RAB36: variants seen among roughly 807,000 people sequenced by gnomAD.
RAB36 encodes RAB36, member RAS oncogene family, also known as ras-related protein Rab-36.
A neutral mutation model predicts 39.3 loss-of-function variants in RAB36; 33 were observed. The observed-to-expected ratio is 0.84, with a 90% CI of 0.64 to 1.12. RAB36 has a LOEUF of 1.12. RAB36 is among the 50% of genes most tolerant of loss of function. The pLI is 0.00. For synonymous variants in RAB36, 133 were observed against 140.2 expected (o/e 0.95, Z 0.36); for missense variants, 308 against 355.3 (o/e 0.87, Z 1.07).
At chr22:23,157,844 C>T in intron 6 of RAB36, 148 bp from the exon 7 acceptor site, 1 of 1,533,536 alleles carries the variant, frequency 6.5e-7, no homozygotes, top group Non-Finnish European at 8.7e-7. Flanking sequence ...GTGTTTCCTC[C>T]TCAGCCTTCA....
intron 7 of RAB36, among the ~76,000 whole-genome samples, 164 bp from the exon 8 acceptor site, chr22:23,158,734 C>T (rs1056973568): frequency 1.3e-5 from 2 of 152,232 alleles, no homozygotes; most frequent in African/African-American, 4.8e-5. Context: ...AACGCCCTTC[C>T]GGCTGGAGGT....
chr22:23,169,077 C>G (rs1361018271), downstream of RAB36, among the ~76,000 whole-genome samples: 2 of 152,198 alleles, frequency 1.3e-5, no homozygotes, highest in Admixed American at 6.5e-5. Flanking sequence ...ACTGCAGGGA[C>G]CTCATCAATA....
Position 23,146,818 on chromosome 22 carries a change from G to A in RAB36, c.69+133G>A, listed in dbSNP as rs537853624. The A allele has an allele frequency of 2.4e-4, 338 of 1,412,450 alleles. 4 individuals carry two copies. In the South Asian group the frequency reaches 4.7e-3, roughly 19 times the overall value. 87.5% of individuals were successfully genotyped at this position (1,412,450 alleles called of 1,614,324 possible). Reference sequence around the variant, plus strand: ...TCCATTGTCAGATTTACCTTGAGGAGCTGGGAGACTGGTCACTGACTGCCC... The same window carrying A: ...TCCATTGTCAGATTTACCTTGAGGAACTGGGAGACTGGTCACTGACTGCCC... On this transcript the variant is annotated intron_variant, in intron 2 of 10. Coordinates refer to ENST00000263116, the MANE Select transcript of RAB36 (RefSeq NM_004914.5).
rs1043469915 is a variant in RAB36 at position 23,164,227 on chromosome 22, A to G, written c.*2663A>G. 2.0e-5 allele frequency: 3 copies of G among 152,236 alleles called. No individual in the cohort carries two copies. The highest frequency in any genetic ancestry group is 4.4e-5 in the Non-Finnish European group (3 of 68,100). The allele number at this position is 152,236 out of a possible 1,614,324, so 9.4% of individuals were successfully genotyped here. ...TCCCTTGCCCCTTCGGGCCTCCAGG[A>G]TATGTTTGCGGGGGTGGGTGTGGTG... On this transcript the variant is annotated 3_prime_UTR_variant, in exon 11 of 11. Coordinates refer to ENST00000263116, the MANE Select transcript of RAB36 (RefSeq NM_004914.5).
intron 1 of RAB36, among the ~76,000 whole-genome samples, chr22:23,145,782 C>T (rs1431695209): frequency 3.9e-5 from 6 of 152,246 alleles, no homozygotes; most frequent in Non-Finnish European, 8.8e-5. Flanking sequence ...AACCGGACTC[C>T]GCCAGGACCA....
intron 1 of RAB36, 134 bp downstream of exon 1, chr22:23,145,685 C>T: frequency 1.8e-6 from 2 of 1,102,532 alleles, no homozygotes; most frequent in East Asian, 2.6e-5. Context: ...CGGCCTGCGG[C>T]CCCGGGGCGT....
intron 5 of RAB36, 108 bp downstream of exon 5, chr22:23,153,242 C>G: frequency 1.2e-6 from 1 of 834,508 alleles, no homozygotes; most frequent in South Asian, 1.5e-5. Context: ...CTAGTCTAGA[C>G]AAGCAGAGCC....
rs149827982 is a variant in RAB36, at chr22:23,155,744, C to A, written c.330-224C>A. Among the ~76,000 whole-genome samples the A allele has an allele frequency of 6.6e-3, 999 of 152,306 alleles. 5 individuals carry two copies. The highest frequency in any genetic ancestry group is 0.011 in the Non-Finnish European group (762 of 68,018). On this transcript the variant is annotated intron_variant, in intron 5 of 10. Coordinates refer to ENST00000263116, the MANE Select transcript of RAB36 (RefSeq NM_004914.5). ...CAGCAGAACAACTAATGCCACACAC[C>A]CCCATCCACTAGGAATGAGAGAAGT... is the stretch of plus-strand genomic sequence containing the variant.
chr22:23,161,176 C>T (rs966680872), intron 10 of RAB36, among the ~76,000 whole-genome samples, 178 bp downstream of exon 10: 11 of 152,196 alleles, frequency 7.2e-5, no homozygotes, highest in Admixed American at 3.3e-4. Context: ...CTGATTCCAC[C>T]TGCCAGGTCA....
chr22:23,155,411 T>C (rs1384244449), intron 5 of RAB36, among the ~76,000 whole-genome samples: 1 of 152,176 alleles, frequency 6.6e-6, no homozygotes, highest in Admixed American at 6.5e-5. Flanking sequence ...TCTAATTTCT[T>C]CTCACTACTG....
chr22:23,150,276 A>G (rs994260847), intron 3 of RAB36, 122 bp downstream of exon 3: 1 of 739,548 alleles, frequency 1.4e-6, no homozygotes, highest in African/African-American at 1.8e-5. Flanking sequence ...TACAGGCCTG[A>G]AGATGACTGG....
downstream of RAB36, among the ~76,000 whole-genome samples, chr22:23,166,148 A>T (rs1367375927): frequency 3.9e-3 from 28 of 7,198 alleles, no homozygotes; most frequent in South Asian, 8.3e-3. Flanking sequence ...TCTGTCTTTT[A>T]AAAAAAAAAA....
Position 23,163,756 on chromosome 22 carries a change from C to T in RAB36, c.*2192C>T, listed in dbSNP as rs1199860195. ...TTCCTTCTGGACTCTGTGCCTTTGC[C>T]TGCACAGCTAGTGTTGATGGCTTGT... On this transcript the variant is annotated 3_prime_UTR_variant, in exon 11 of 11. Coordinates refer to ENST00000263116, the MANE Select transcript of RAB36 (RefSeq NM_004914.5). 6.6e-6 allele frequency: 1 copy of T among 152,180 alleles called. No homozygotes were observed. Among genetic ancestry groups the T allele is most frequent in the Admixed American group, 6.5e-5 (1 of 15,278 alleles). 9.4% of individuals were successfully genotyped at this position (152,180 alleles called of 1,614,324 possible).
At position 23,159,478 on chromosome 22, in the gene RAB36, G is replaced by A. The variant is rs1056438579; in HGVS notation, c.619+225G>A. ...AAGGAAGCTGGGAGGCCTGCCTCAC[G>A]GATGGGGGAATAGTGACCCCAACCC... On this transcript the variant is annotated intron_variant, in intron 9 of 10. Transcript: ENST00000263116. 7.2e-5 allele frequency among the ~76,000 whole-genome samples: 11 copies of A among 152,252 alleles called. No individual in the cohort carries two copies. In the South Asian group the frequency reaches 1.0e-3, roughly 14 times the overall value.
Position 23,161,884 on chromosome 22 carries a change from C to T in RAB36, c.*320C>T. On this transcript the variant is annotated 3_prime_UTR_variant, in exon 11 of 11. Coordinates refer to ENST00000263116, the MANE Select transcript of RAB36 (RefSeq NM_004914.5). The stretch of plus-strand genomic sequence containing the variant: ...ACAGTCACCTTTGGCCTCAAGAGGC[C>T]TCAGAACTGCAAACTCCTGCGTCGG... 2.8e-6 allele frequency: 1 copy of T among 359,812 alleles called. No individual in the cohort carries two copies. The highest frequency in any genetic ancestry group is 3.0e-5 in the South Asian group (1 of 33,336). 22.3% of individuals were successfully genotyped at this position (359,812 alleles called of 1,614,324 possible). A position where few individuals can be genotyped will look rare whatever the true frequency, so the allele number is the denominator to read the frequency against.
chr22:23,158,827 AG>A, intron 7 of RAB36, 70 bp from the exon 8 acceptor site: 5 of 1,385,392 alleles, frequency 3.6e-6, no homozygotes, highest in Non-Finnish European at 5.1e-6. Flanking sequence ...GGAGGTCCCA[AG>A]TGTGCCCTCT....
chr22:23,145,834 A>T (rs1334489058), intron 1 of RAB36: 7 of 376,360 alleles, frequency 1.9e-5, no homozygotes, highest in Non-Finnish European at 2.6e-5. Flanking sequence ...GAAAAAGGAG[A>T]CAGAGGGGCT....
At chr22:23,155,746 C>T (rs554176548) in intron 5 of RAB36, among the ~76,000 whole-genome samples, 16 of 152,350 alleles carry the variant, frequency 1.1e-4, no homozygotes, top group African/African-American at 3.8e-4. Context: ...CCACACACCC[C>T]CATCCACTAG....
In RAB36 at chr22:23,150,073, C is replaced by T. The variant is rs145339748; in HGVS notation, c.80C>T (p.Pro27Leu). 1.8e-5 allele frequency: 29 copies of T among 1,609,130 alleles called. No homozygotes were observed. The African/African-American group carries it at 2.0e-4, about 11-fold the overall frequency. Residue 27 changes from proline (P) to leucine (L), a missense_variant, in exon 3 of 11, where the codon CCG (proline) becomes CTG (leucine). Pro to Leu is a moderately conservative substitution (Grantham distance 98). Coordinates refer to ENST00000263116, the MANE Select transcript of RAB36 (RefSeq NM_004914.5). ...VIASFPKWYTPEACLQLREHF... is the reference protein window; with the variant it reads ...VIASFPKWYTLEACLQLREHF... ...TCTGTCTCTTTGCAGTGGTACACGC[C>T]GGAAGCCTGTTTGCAGCTCAGGGAG...
Sources: gnomAD v4.1 joint callset for allele counts (sites outside exome capture counted in the v4.1 genomes callset) on GRCh38, gnomAD v4.1.1 for gene constraint, MANE v1.5 for transcripts, NCBI Gene and HGNC (gene_info 2026-07-23, HGNC 2026-07-21) for gene names.